Variants in EIF4H observed in about 807,000 individuals in gnomAD.
The protein encoded by EIF4H is eukaryotic translation initiation factor 4H.
In EIF4H, 8 loss-of-function variants were observed where a neutral mutation model predicts 30.6. That is an observed-to-expected ratio of 0.26 (90% confidence interval 0.15 to 0.47). The LOEUF is 0.47. EIF4H is among the 20% of genes least tolerant of loss of function. EIF4H has a pLI of 0.99. For missense variants in EIF4H, 188 were observed against 339.5 expected (o/e 0.55, Z 3.51); for synonymous variants, 106 against 122.7 (o/e 0.86, Z 0.90).
chr7:74,183,991 G>A (rs1801025445), intron 1 of EIF4H: 1 of 152,186 alleles, frequency 6.6e-6, no homozygotes, highest in Admixed American at 6.5e-5. Context: ...GGACTACTTT[G>A]GTAATTATTG....
Position 74,192,668 on chromosome 7 carries a change from C to CTTTTTTTTTT in EIF4H, c.470-2070_470-2061dup, listed in dbSNP as rs1297031468. The stretch of plus-strand genomic sequence containing the variant: ...TCATACCTAACATTGCTTTATGTGA[C>CTTTTTTTTTT]TTTTTTTTTTTTCTTTTTTTTTTTT... On this transcript the variant is annotated intron_variant, in intron 5 of 6. Transcript: ENST00000265753. Among the ~76,000 whole-genome samples the CTTTTTTTTTT allele has an allele frequency of 9.7e-5, 9 of 93,186 alleles. 2 individuals are homozygous for CTTTTTTTTTT. Among genetic ancestry groups the CTTTTTTTTTT allele is most frequent in the African/African-American group, 1.4e-4 (3 of 22,196 alleles). 61.1% of individuals were successfully genotyped at this position (93,186 alleles called of 152,430 possible). A position where few individuals can be genotyped will look rare whatever the true frequency, so the allele number is the denominator to read the frequency against.
chr7:74,190,029 C>A, intron 4 of EIF4H, 111 bp downstream of exon 4: 1 of 1,284,996 alleles, frequency 7.8e-7, no homozygotes, highest in Non-Finnish European at 1.1e-6. Flanking sequence ...GTGATAGGTT[C>A]TCGTGAGCTC....
chr7:74,194,327 G>A (rs1481036437), intron 5 of EIF4H, among the ~76,000 whole-genome samples: 1 of 152,152 alleles, frequency 6.6e-6, no homozygotes, highest in African/African-American at 2.4e-5. Flanking sequence ...GTTCTGAGTT[G>A]TAAATACTTC....
intron 2 of EIF4H, 39 bp from the exon 3 acceptor site, chr7:74,189,634 A>T (rs1554709598): frequency 6.2e-7 from 1 of 1,610,126 alleles, no homozygotes. Flanking sequence ...TTTAACCCAG[A>T]ATTACTTGAG....
intron 5 of EIF4H, among the ~76,000 whole-genome samples, chr7:74,192,767 T>A (rs576585687): frequency 2.0e-4 from 28 of 139,788 alleles, no homozygotes; most frequent in Non-Finnish European, 3.2e-4. Context: ...AATCTCCGCC[T>A]CCAGGGTTCA....
Position 74,189,733 on chromosome 7 carries a change from G to A in EIF4H, c.308G>A (p.Gly103Asp). 6.2e-7 allele frequency: 1 copy of A among 1,614,228 alleles called. No homozygotes were observed. The highest frequency in any genetic ancestry group is 8.5e-7 in the Non-Finnish European group (1 of 1,180,046). Residue 103 changes from glycine (G) to aspartate (D), a missense_variant, in exon 3 of 7, where the codon GGT becomes GAT. By Grantham distance (94) the Gly-to-Asp change is moderately conservative. This residue lies in a region of EIF4H where 52 missense variants were observed against 143.9 expected (regional missense o/e 0.36). Transcript: ENST00000265753. ...CTTAAGGAAGCCTTGACATACGATG[G>A]TGCAGTAAGTATCCTCGGGTTTTCT... ...DSLKEALTYD[G>D]ALLGDRSLRV... is the part of the protein sequence containing the mutation.
At chr7:74,194,994 C>T (rs1801310559) in intron 6 of EIF4H, 116 bp downstream of exon 6, 2 of 1,502,810 alleles carry the variant, frequency 1.3e-6, no homozygotes, top group Non-Finnish European at 1.8e-6. Flanking sequence ...CATAGATCCC[C>T]ACGTTCTCTG....
intron 1 of EIF4H, among the ~76,000 whole-genome samples, chr7:74,177,700 T>G (rs1554707862): frequency 1.3e-5 from 2 of 152,170 alleles, no homozygotes; most frequent in African/African-American, 2.4e-5. Flanking sequence ...GTCGTTTAGG[T>G]TTGTTATCCT....
intron 1 of EIF4H, among the ~76,000 whole-genome samples, chr7:74,184,823 A>G (rs1801046598): frequency 6.6e-6 from 1 of 152,034 alleles, no homozygotes; most frequent in Non-Finnish European, 1.5e-5. Context: ...TGGGATTACA[A>G]GTGTGTGCTA....
chr7:74,183,101 C>G (rs781914757), intron 1 of EIF4H, among the ~76,000 whole-genome samples: 1 of 152,164 alleles, frequency 6.6e-6, no homozygotes, highest in South Asian at 2.1e-4. Context: ...CATGCAGATA[C>G]GTGGTTGATT....
intron 5 of EIF4H, among the ~76,000 whole-genome samples, chr7:74,191,018 T>C (rs1309289438): frequency 1.3e-5 from 2 of 152,222 alleles, no homozygotes; most frequent in African/African-American, 4.8e-5. Flanking sequence ...GTGCTGTCAA[T>C]GCTGTGCTGT....
intron 1 of EIF4H, among the ~76,000 whole-genome samples, chr7:74,183,180 A>G (rs181510607): frequency 2.7e-4 from 41 of 152,332 alleles, no homozygotes; most frequent in African/African-American, 8.9e-4. Context: ...AGGGTTTCCT[A>G]AATTACTGAG....
chr7:74,182,360 T>C (rs971867172), intron 1 of EIF4H, among the ~76,000 whole-genome samples: 1 of 152,190 alleles, frequency 6.6e-6, no homozygotes. Context: ...AAAACCCAAA[T>C]GTTACCTGTT....
chr7:74,184,977 C>T (rs972853650), intron 1 of EIF4H, among the ~76,000 whole-genome samples: 1 of 151,506 alleles, frequency 6.6e-6, no homozygotes, highest in Admixed American at 6.6e-5. Context: ...CACTGTGCCC[C>T]GCCTTTTTGT....
At chr7:74,174,530 G>C in intron 1 of EIF4H, 88 bp downstream of exon 1, 5 of 1,153,686 alleles carry the variant, frequency 4.3e-6, no homozygotes, top group Non-Finnish European at 5.4e-6. Context: ...GCGCTCAGCC[G>C]GGGCGGCGGG....
rs782810273 is a variant in EIF4H, at chr7:74,187,755, G to A, written c.204G>A (p.Arg68=). ...IDAIFKDLSI[R]SVRLVRDKDT... ...CTATCTTTAAGGATCTCAGCATAAG[G>A]AGTGTACGGCTAGTCAGAGACAAAG... is the stretch of plus-strand genomic sequence containing the variant. Residue 68 remains arginine (R), a synonymous_variant, in exon 2 of 7, where the codon AGG becomes AGA. Coordinates refer to ENST00000265753, the MANE Select transcript of EIF4H (RefSeq NM_022170.2). 1 of 1,613,570 alleles carries A rather than the reference G, an allele frequency of 6.2e-7. No homozygotes were observed. Among genetic ancestry groups the A allele is most frequent in the South Asian group, 1.1e-5 (1 of 91,008 alleles).
At chr7:74,174,781 C>T (rs1369117326) in intron 1 of EIF4H, among the ~76,000 whole-genome samples, 1 of 152,250 alleles carries the variant, frequency 6.6e-6, no homozygotes, top group Non-Finnish European at 1.5e-5. Context: ...AGGACCAGTG[C>T]GGGGCTGAGC....
chr7:74,195,031 G>T, intron 6 of EIF4H, 138 bp from the exon 7 acceptor site: 1 of 1,513,794 alleles, frequency 6.6e-7, no homozygotes, highest in East Asian at 2.3e-5. Context: ...TTGGTCATTA[G>T]AGCATCTGCT....
intron 5 of EIF4H, among the ~76,000 whole-genome samples, chr7:74,193,024 T>A (rs1024878287): frequency 1.4e-4 from 22 of 152,136 alleles, no homozygotes; most frequent in African/African-American, 5.1e-4. Flanking sequence ...TTAGTGTTGA[T>A]TCATTTAATA....
Sources: gnomAD v4.1 joint callset for allele counts (sites outside exome capture counted in the v4.1 genomes callset) on GRCh38, gnomAD v4.1.1 for gene constraint, gnomAD v4.1.1 regional missense constraint, MANE v1.5 for transcripts, NCBI Gene and HGNC (gene_info 2026-07-23, HGNC 2026-07-21) for gene names.